The following NOXO1 variants were observed in gnomAD, a reference collection of about 807,000 sequenced individuals.
NOXO1 encodes NADPH oxidase regulatory protein.
Under a neutral mutation model 33.3 loss-of-function variants are expected in NOXO1, and 38 were observed. The ratio of observed to expected loss-of-function variants is 1.14; its 90% CI spans 0.88 to 1.50. The LOEUF (loss-of-function observed/expected upper bound fraction) is 1.50, where lower values mean the gene tolerates loss of function less well. Among genes scored for constraint, NOXO1 ranks in the 40% most tolerant of loss-of-function variants. The pLI, the probability that NOXO1 is intolerant of heterozygous loss-of-function variation, is 0.00. For synonymous variants in NOXO1, 302 were observed against 237.3 expected, an observed-to-expected ratio of 1.27 and a Z score of -2.51; for missense variants, 675 against 527.1, an observed-to-expected ratio of 1.28 and a Z score of -2.75.
Position 1,979,325 on chromosome 16 carries a change from G to A in NOXO1, c.843C>T (p.Leu281=), listed in dbSNP as rs771600793. The A allele has an allele frequency of 6.3e-7, 1 of 1,575,006 alleles. No homozygotes were observed. Among genetic ancestry groups the A allele is most frequent in the Non-Finnish European group, 8.6e-7 (1 of 1,167,890 alleles). The change falls in exon 8 of 8, where the codon CTC becomes CTT. Residue 281 remains leucine, a synonymous_variant. Coordinates refer to ENST00000356120, the MANE Select transcript of NOXO1 (RefSeq NM_172167.3). ...LCRYGDRAGL[L]PAVLLRPEGL... is the part of the protein sequence containing the mutation. Reference sequence around the variant, plus strand: ...CTTCCGGCCGCAGCAGCACCGCGGGGAGTAGGCCCGCCCGGTCGCCGTACC... The same window carrying A: ...CTTCCGGCCGCAGCAGCACCGCGGGAAGTAGGCCCGCCCGGTCGCCGTACC...
At position 1,980,621 on chromosome 16, in the gene NOXO1, C is replaced by T. The variant is rs371150658; in HGVS notation, c.223+35G>A. On this transcript the variant is annotated intron_variant, in intron 3 of 7. Coordinates refer to ENST00000356120, the MANE Select transcript of NOXO1 (RefSeq NM_172167.3). Reference sequence around the variant, plus strand: ...TCCCTGGCGCCCCCAGGCAAGCCACCGCCTTCCCCGCTCCCGTACCCAGGC... The same window carrying T: ...TCCCTGGCGCCCCCAGGCAAGCCACTGCCTTCCCCGCTCCCGTACCCAGGC... 14 of 1,592,772 alleles carry T rather than the reference C, an allele frequency of 8.8e-6. No individual in the cohort carries two copies. The African/African-American group carries it at 1.3e-4, about 15-fold the overall frequency.
Position 1,979,089 on chromosome 16 carries a change from C to A in NOXO1, c.1079G>T (p.Cys360Phe), listed in dbSNP as rs1176528843. 3 of 1,518,948 alleles carry A rather than the reference C, an allele frequency of 2.0e-6. No homozygotes were observed. The highest frequency in any genetic ancestry group is 1.2e-5 in the South Asian group (1 of 81,218). The allele number at this position is 1,518,948 out of a possible 1,614,324, so 94.1% of individuals were successfully genotyped here. A position where few individuals can be genotyped will look rare whatever the true frequency, so the allele number is the denominator to read the frequency against. The change falls in exon 8 of 8, where the codon TGC becomes TTC. Residue 360 changes from cysteine (C) to phenylalanine (F), a missense_variant. Transcript: ENST00000356120. Reference sequence around the variant, plus strand: ...CGTGGGGTGCGGCACAGAGTCCACGCACCCTCGAGGGCGGCCCTGGCGCCG... The same window carrying A: ...CGTGGGGTGCGGCACAGAGTCCACGAACCCTCGAGGGCGGCCCTGGCGCCG... ...RPRRQGRPRG[C>F]VDSVPHPTTE... is the part of the protein sequence containing the mutation.
Position 1,979,115 on chromosome 16 carries a change from TG to T in NOXO1, c.1052del (p.Pro351HisfsTer60). 6.7e-7 allele frequency: 1 copy of T among 1,489,196 alleles called. No homozygotes were observed. Among genetic ancestry groups the T allele is most frequent in the Non-Finnish European group, 8.8e-7 (1 of 1,134,374 alleles). The allele number at this position is 1,489,196 out of a possible 1,614,324, so 92.2% of individuals were successfully genotyped here. A position where few individuals can be genotyped will look rare whatever the true frequency, so the allele number is the denominator to read the frequency against. Reference sequence around the variant, plus strand: ...ACCCTCGAGGGCGGCCCTGGCGCCGTGGGCGCCGCTCCAGGGCCCTGCGTGT... The same window carrying T: ...ACCCTCGAGGGCGGCCCTGGCGCCGTGGCGCCGCTCCAGGGCCCTGCGTGT... ...TVTRRALERR[P>X]RRQGRPRGCV... On this transcript the variant is annotated frameshift_variant, in exon 8 of 8. Transcript: ENST00000356120. LOFTEE classifies it low-confidence loss of function (END_TRUNC).
rs760731402 is a variant in NOXO1, at chr16:1,979,351, T to C, written c.819-2A>G. On this transcript the variant is annotated splice_acceptor_variant, in intron 7 of 7. Coordinates refer to ENST00000356120, the MANE Select transcript of NOXO1 (RefSeq NM_172167.3). LOFTEE classifies it high-confidence loss of function. ...AGTAGGCCCGCCCGGTCGCCGTACCTGCGAGGGGCGGGGTGTGGTTAGGGC... is the reference window on the plus strand; with the variant it reads ...AGTAGGCCCGCCCGGTCGCCGTACCCGCGAGGGGCGGGGTGTGGTTAGGGC... 20 of 1,580,784 alleles carry C rather than the reference T, an allele frequency of 1.3e-5. No homozygotes were observed. Among genetic ancestry groups the C allele is most frequent in the Non-Finnish European group, 1.7e-5 (20 of 1,170,602 alleles).
Position 1,979,182 on chromosome 16 carries a change from C to T in NOXO1, c.986G>A (p.Arg329Gln). ...GCTCTGGATGGCGCCCGGCGAAGGT[C>T]GGGTGGGCACGGTGGGGGGAGGGGC... ...ATAPPPTVPT[R>Q]PSPGAIQSRC... is the part of the protein sequence containing the mutation. Residue 329 changes from arginine to glutamine, a missense_variant, in exon 8 of 8, where the codon CGA becomes CAA. Arg to Gln is a conservative substitution (Grantham distance 43, BLOSUM62 1). Transcript: ENST00000356120. The T allele has an allele frequency of 1.5e-6, 2 of 1,314,074 alleles. No individual in the cohort carries two copies. The highest frequency in any genetic ancestry group is 2.0e-6 in the Non-Finnish European group (2 of 991,868). The allele number at this position is 1,314,074 out of a possible 1,614,324, so 81.4% of individuals were successfully genotyped here. A position where few individuals can be genotyped will look rare whatever the true frequency, so the allele number is the denominator to read the frequency against.
Position 1,981,252 on chromosome 16 carries a change from C to T in NOXO1, c.-73G>A, listed in dbSNP as rs1487197185. On this transcript the variant is annotated 5_prime_UTR_variant, in exon 1 of 8. Transcript: ENST00000356120. ...CTGCCTCCCCGTGCTTGAGAGGGCT[C>T]TGGGGGACCCAGAAAACCCCCTGGG... 2.6e-5 allele frequency: 41 copies of T among 1,594,856 alleles called. No homozygotes were observed. The highest frequency in any genetic ancestry group is 1.7e-4 in the Admixed American group (10 of 57,560).
rs1358469210 is a variant in NOXO1 at position 1,979,328 on chromosome 16, T to C, written c.840A>G (p.Leu280=). The C allele has an allele frequency of 1.9e-6, 3 of 1,574,030 alleles. No homozygotes were observed. Among genetic ancestry groups the C allele is most frequent in the Non-Finnish European group, 2.6e-6 (3 of 1,167,638 alleles). ...CCGGCCGCAGCAGCACCGCGGGGAG[T>C]AGGCCCGCCCGGTCGCCGTACCTGC... ...WLCRYGDRAG[L]LPAVLLRPEG... The change falls in exon 8 of 8, where the codon CTA becomes CTG. Residue 280 remains leucine (L), a synonymous_variant. Coordinates refer to ENST00000356120, the MANE Select transcript of NOXO1 (RefSeq NM_172167.3).
At position 1,978,996 on chromosome 16, in the gene NOXO1, C is replaced by G. The variant is rs79976559; in HGVS notation, c.*56G>C. ...GCTGGCCAGGGAGATCCGCCCTCCC[C>G]GCTCCTCCCCAGCCCTGGGATGGCG... On this transcript the variant is annotated 3_prime_UTR_variant, in exon 8 of 8. Transcript: ENST00000356120. 1.0e-3 allele frequency: 1,496 copies of G among 1,475,776 alleles called. 10 individuals carry two copies. In the African/African-American group the frequency reaches 0.02, roughly 19 times the overall value. The allele number at this position is 1,475,776 out of a possible 1,614,324, so 91.4% of individuals were successfully genotyped here. A position where few individuals can be genotyped will look rare whatever the true frequency, so the allele number is the denominator to read the frequency against.
In NOXO1 at chr16:1,979,415, T is replaced by A. The variant is rs1338377108; in HGVS notation, c.818+10A>T. On this transcript the variant is annotated intron_variant, in intron 7 of 7. Coordinates refer to ENST00000356120, the MANE Select transcript of NOXO1 (RefSeq NM_172167.3). ...GCTAGCCTGCCCTGCCCACGCCCGC[T>A]CCCGCGTACCTGCATAGCCACCAGC... The A allele has an allele frequency of 6.2e-7, 1 of 1,605,378 alleles. No individual in the cohort carries two copies. Among genetic ancestry groups the A allele is most frequent in the Admixed American group, 1.7e-5 (1 of 59,800 alleles).
intron 5 of NOXO1, 27 bp from the exon 6 acceptor site, chr16:1,979,930 C>T: frequency 6.3e-7 from 1 of 1,576,464 alleles, no homozygotes; most frequent in Non-Finnish European, 8.6e-7. Context: ...GGCAGGGACT[C>T]AAATCTCGAG....
At chr16:1,980,575 C>T (rs372627551) in intron 3 of NOXO1, 31 bp from the exon 4 acceptor site, 230 of 1,596,638 alleles carry the variant, frequency 1.4e-4, no homozygotes, top group Non-Finnish European at 1.8e-4. Flanking sequence ...TACTGTGATA[C>T]GCCGCTTTGG....
chr16:1,979,176 G>A lies in NOXO1; in HGVS notation c.992C>T (p.Ser331Leu), dbSNP rs897447010. ...APPPTVPTRP[S>L]PGAIQSRCCT... ...GCAGCGGCTCTGGATGGCGCCCGGC[G>A]AAGGTCGGGTGGGCACGGTGGGGGG... Residue 331 changes from serine (S) to leucine (L), a missense_variant, in exon 8 of 8, where the codon TCG becomes TTG. By Grantham distance (145) the Ser-to-Leu change is moderately radical. Coordinates refer to ENST00000356120, the MANE Select transcript of NOXO1 (RefSeq NM_172167.3). 5 of 1,456,254 alleles carry A rather than the reference G, an allele frequency of 3.4e-6. No individual in the cohort carries two copies. The highest frequency in any genetic ancestry group is 4.5e-6 in the Non-Finnish European group (5 of 1,113,314). The allele number at this position is 1,456,254 out of a possible 1,614,324, so 90.2% of individuals were successfully genotyped here.
Position 1,979,889 on chromosome 16 carries a change from C to A in NOXO1, c.601G>T (p.Glu201Ter). ...CAGGCGGTCTGCCGGTCTTCGTTCT[C>A]CACCAGCCACCAGCCTGTGCGCAAG... ...LRHPSGWWLV[E>*]NEDRQTAWFP... Residue 201 changes from glutamate to a stop codon, truncating the protein, a stop_gained, in exon 6 of 8, where the codon GAG becomes TAG. Transcript: ENST00000356120. LOFTEE classifies it high-confidence loss of function. 6.3e-7 allele frequency: 1 copy of A among 1,581,422 alleles called. No individual in the cohort carries two copies. The highest frequency in any genetic ancestry group is 8.6e-7 in the Non-Finnish European group (1 of 1,164,724).
Position 1,979,180 on chromosome 16 carries a change from G to T in NOXO1, c.988C>A (p.Pro330Thr), listed in dbSNP as rs756000358. 5 of 1,458,992 alleles carry T rather than the reference G, an allele frequency of 3.4e-6. No individual in the cohort carries two copies. The highest frequency in any genetic ancestry group is 4.5e-6 in the Non-Finnish European group (5 of 1,114,418). 90.4% of individuals were successfully genotyped at this position (1,458,992 alleles called of 1,614,324 possible). A position where few individuals can be genotyped will look rare whatever the true frequency, so the allele number is the denominator to read the frequency against. The part of the protein sequence containing the change: ...TAPPPTVPTR[P>T]SPGAIQSRCC... ...CGGCTCTGGATGGCGCCCGGCGAAG[G>T]TCGGGTGGGCACGGTGGGGGGAGGG... The change falls in exon 8 of 8, where the codon CCT (proline) becomes ACT (threonine). Residue 330 changes from proline to threonine, a missense_variant. Pro to Thr is a conservative substitution (Grantham distance 38). Coordinates refer to ENST00000356120, the MANE Select transcript of NOXO1 (RefSeq NM_172167.3).
In NOXO1 at chr16:1,979,519, C is replaced by A. The variant is rs778237732; in HGVS notation, c.724G>T (p.Ala242Ser). The A allele has an allele frequency of 1.9e-6, 3 of 1,611,264 alleles. No individual in the cohort carries two copies. The highest frequency in any genetic ancestry group is 2.7e-5 in the African/African-American group (2 of 75,002). ...TCATCTGCGCGGCTGCTCTCGTAGG[C>A]GCGGGAAGCACAGAACTGGGGACCT... ...SSGPQFCASR[A>S]YESSRADELS... Residue 242 changes from alanine (A) to serine (S), a missense_variant, in exon 7 of 8, where the codon GCC becomes TCC. Ala to Ser is a moderately conservative substitution (Grantham distance 99). Coordinates refer to ENST00000356120, the MANE Select transcript of NOXO1 (RefSeq NM_172167.3).
chr16:1,979,991 C>T lies in NOXO1; in HGVS notation c.586+6G>A. 4 of 1,598,878 alleles carry T rather than the reference C, an allele frequency of 2.5e-6. No individual in the cohort carries two copies. The highest frequency in any genetic ancestry group is 2.3e-5 in the East Asian group (1 of 44,334). ...AGCAAATCCCTGGGTTCTTGGGGGG[C>T]CCTACCTGAGGGGTGCCGCAGCAGC... is the stretch of plus-strand genomic sequence containing the variant. On this transcript the variant is annotated splice_donor_region_variant and intron_variant, in intron 5 of 7. Transcript: ENST00000356120.
In NOXO1 at chr16:1,978,927, C is replaced by T; in HGVS notation, c.*125G>A. On this transcript the variant is annotated 3_prime_UTR_variant, in exon 8 of 8. Coordinates refer to ENST00000356120, the MANE Select transcript of NOXO1 (RefSeq NM_172167.3). ...CTTAGACGGTGGGGGTCATGCAGAACAAGCTTTACTCAGAGGAACAGCAAA... is the reference window on the plus strand; with the variant it reads ...CTTAGACGGTGGGGGTCATGCAGAATAAGCTTTACTCAGAGGAACAGCAAA... 8.7e-7 allele frequency: 1 copy of T among 1,146,782 alleles called. No individual in the cohort carries two copies. The highest frequency in any genetic ancestry group is 1.4e-5 in the South Asian group (1 of 69,894). 71.0% of individuals were successfully genotyped at this position (1,146,782 alleles called of 1,614,324 possible).
Position 1,980,180 on chromosome 16 carries a change from G to C in NOXO1, c.403C>G (p.Arg135Gly), listed in dbSNP as rs1367069201. ...DLEPALPPGS[R>G]VILPTPEEQP... The stretch of plus-strand genomic sequence containing the variant: ...TCCTCTGGGGTGGGCAGGATCACCC[G>C]GCTGGGAAGGGCAGCCCGTACGAGT... Residue 135 changes from arginine (R) to glycine (G), a missense_variant and splice_region_variant, in exon 5 of 8, where the codon CGG (arginine) becomes GGG (glycine). Coordinates refer to ENST00000356120, the MANE Select transcript of NOXO1 (RefSeq NM_172167.3). 1 of 1,596,378 alleles carries C rather than the reference G, an allele frequency of 6.3e-7. No individual in the cohort carries two copies. The highest frequency in any genetic ancestry group is 1.1e-5 in the South Asian group (1 of 88,844).
Position 1,981,437 on chromosome 16 carries a change from A to G in NOXO1, c.-258T>C. Reference sequence around the variant, plus strand: ...AGAGCTGCTGGGAGGAAGAAGAAGAATGAGCTTTCCAGCCCTGGAGGCGTG... The same window carrying G: ...AGAGCTGCTGGGAGGAAGAAGAAGAGTGAGCTTTCCAGCCCTGGAGGCGTG... On this transcript the variant is annotated 5_prime_UTR_variant, in exon 1 of 8. Transcript: ENST00000356120. The G allele has an allele frequency of 1.1e-6, 1 of 872,512 alleles. No individual in the cohort carries two copies. The highest frequency in any genetic ancestry group is 1.7e-6 in the Non-Finnish European group (1 of 598,286). 54.0% of individuals were successfully genotyped at this position (872,512 alleles called of 1,614,324 possible).
Sources: allele counts gnomAD v4.1 joint callset, GRCh38; gene constraint gnomAD v4.1.1; transcripts MANE v1.5; gene names NCBI Gene and HGNC (gene_info 2026-07-23, HGNC 2026-07-21).